ADAMTS17: variants seen among roughly 807,000 people sequenced by gnomAD.
The protein encoded by ADAMTS17 is A disintegrin and metalloproteinase with thrombospondin motifs 17.
ADAMTS17 carries 113 observed loss-of-function variants against 141.5 expected under a neutral mutation model. The ratio of observed to expected loss-of-function variants is 0.80; its 90% confidence interval spans 0.69 to 0.93. ADAMTS17 has a LOEUF of 0.93. Ranked by LOEUF, ADAMTS17 falls within the 40% of genes least tolerant of loss-of-function variation. The pLI is 0.00. For missense variants in ADAMTS17, 1,659 were observed against 1,517.9 expected, an observed-to-expected ratio of 1.09 and a Z score of -1.54; for synonymous variants, 768 against 630.6, an observed-to-expected ratio of 1.22 and a Z score of -3.27.
At chr15:100,257,290 T>C (rs2043359537) in intron 6 of ADAMTS17, among the ~76,000 whole-genome samples, 2 of 152,192 alleles carry the variant, frequency 1.3e-5, no homozygotes, top group African/African-American at 4.8e-5. Context: ...ACCTAGGGAA[T>C]TGCAGCTCTC....
At chr15:100,057,076 C>T (rs746531362) in intron 15 of ADAMTS17, among the ~76,000 whole-genome samples, 61 of 151,950 alleles carry the variant, frequency 4.0e-4, no homozygotes, top group Non-Finnish European at 6.8e-4. Context: ...TGAGGCAGGA[C>T]GGTCATTCCT....
intron 2 of ADAMTS17, among the ~76,000 whole-genome samples, chr15:100,339,533 C>T (rs960703556): frequency 2.0e-5 from 3 of 152,078 alleles, no homozygotes; most frequent in Non-Finnish European, 4.4e-5. Context: ...CTGAGCCTTT[C>T]TCACTCCTAC....
At chr15:100,025,789 G>C (rs1265559087) in intron 18 of ADAMTS17, among the ~76,000 whole-genome samples, 1 of 152,028 alleles carries the variant, frequency 6.6e-6, no homozygotes, top group East Asian at 1.9e-4. Flanking sequence ...CAACTTTGTA[G>C]TAGTATTTAA....
intron 10 of ADAMTS17, among the ~76,000 whole-genome samples, chr15:100,152,097 C>T (rs746630916): frequency 1.3e-5 from 2 of 152,180 alleles, no homozygotes; most frequent in African/African-American, 4.8e-5. Flanking sequence ...AGGCATTGCT[C>T]AACAAGCGGT....
chr15:100,210,908 TGGC>T (rs2041780526), intron 7 of ADAMTS17, among the ~76,000 whole-genome samples: 1 of 152,098 alleles, frequency 6.6e-6, no homozygotes, highest in Non-Finnish European at 1.5e-5. Flanking sequence ...GAGACCATCC[TGGC>T]TAACATGGTG....
chr15:99,975,901 A>G, intron 21 of ADAMTS17, 144 bp downstream of exon 21: 1 of 959,772 alleles, frequency 1.0e-6, no homozygotes, highest in Non-Finnish European at 1.5e-6. Context: ...AACCTCTTCT[A>G]CAGAACTGAC....
At chr15:100,177,976 G>A (rs1030313883) in intron 8 of ADAMTS17, among the ~76,000 whole-genome samples, 5 of 150,894 alleles carry the variant, frequency 3.3e-5, no homozygotes, top group South Asian at 2.1e-4. Context: ...TTAATATAGC[G>A]ATTCCTGTTT....
rs142917495 is a variant in ADAMTS17 at position 100,266,004 on chromosome 15, G to C, written c.790-3569C>G. Reference sequence around the variant, plus strand: ...AGTGCTCTAGCACTATGCTAGTCTTGCTGGTCACCAGAGAGAGGCTTGTCT... The same window carrying C: ...AGTGCTCTAGCACTATGCTAGTCTTCCTGGTCACCAGAGAGAGGCTTGTCT... On this transcript the variant is annotated intron_variant, in intron 4 of 21. Transcript: ENST00000268070. Among the ~76,000 whole-genome samples, 475 of 152,316 alleles carry C rather than the reference G, an allele frequency of 3.1e-3. 2 individuals carry two copies. The highest frequency in any genetic ancestry group is 5.2e-3 in the Non-Finnish European group (351 of 68,022).
intron 4 of ADAMTS17, among the ~76,000 whole-genome samples, chr15:100,278,561 G>A (rs1264674666): frequency 1.3e-5 from 2 of 152,132 alleles, no homozygotes; most frequent in African/African-American, 2.4e-5. Flanking sequence ...CCAGCGGCTC[G>A]ACATGAGGCC....
intron 15 of ADAMTS17, among the ~76,000 whole-genome samples, chr15:100,056,773 C>T (rs1306859618): frequency 3.3e-5 from 5 of 152,108 alleles, no homozygotes; most frequent in Non-Finnish European, 7.4e-5. Flanking sequence ...CAGATGTACC[C>T]TGCCATTCCC....
At chr15:100,286,926 T>C (rs1330442585) in intron 3 of ADAMTS17, among the ~76,000 whole-genome samples, 1 of 152,182 alleles carries the variant, frequency 6.6e-6, no homozygotes, top group Non-Finnish European at 1.5e-5. Flanking sequence ...ACGGCCATTA[T>C]AAGAAAGATC....
chr15:100,279,517 G>A (rs538732161), intron 4 of ADAMTS17, among the ~76,000 whole-genome samples: 2 of 152,320 alleles, frequency 1.3e-5, no homozygotes, highest in Admixed American at 6.5e-5. Flanking sequence ...CACCCATTTC[G>A]TTTAACCTTG....
chr15:100,307,527 C>A (rs1264757890), intron 3 of ADAMTS17, among the ~76,000 whole-genome samples: 3 of 152,250 alleles, frequency 2.0e-5, no homozygotes, highest in Admixed American at 2.0e-4. Flanking sequence ...GGGCTTTTCA[C>A]ACGAGTCAAT....
chr15:100,157,322 T>G (rs941115904), intron 8 of ADAMTS17, among the ~76,000 whole-genome samples: 1 of 152,210 alleles, frequency 6.6e-6, no homozygotes, highest in Non-Finnish European at 1.5e-5. Context: ...GCTTTCCCTC[T>G]CCATTACAAA....
At chr15:100,190,394 A>G (rs575394568) in intron 8 of ADAMTS17, among the ~76,000 whole-genome samples, 20 of 152,302 alleles carry the variant, frequency 1.3e-4, no homozygotes, top group African/African-American at 4.8e-4. Context: ...TGTGACCTCA[A>G]ACAGATGGAG....
chr15:100,284,049 G>T (rs899699332), intron 3 of ADAMTS17, among the ~76,000 whole-genome samples: 1 of 152,170 alleles, frequency 6.6e-6, no homozygotes. Context: ...AGGTTGCAGT[G>T]AGCCAAGATC....
chr15:100,238,168 T>G (rs1437559236), intron 7 of ADAMTS17, among the ~76,000 whole-genome samples: 3 of 152,252 alleles, frequency 2.0e-5, no homozygotes, highest in African/African-American at 7.2e-5. Flanking sequence ...GGCCCTGGCC[T>G]GCAAACGGGT....
chr15:100,327,386 G>C (rs913199808), intron 3 of ADAMTS17, among the ~76,000 whole-genome samples: 3 of 152,136 alleles, frequency 2.0e-5, no homozygotes, highest in Non-Finnish European at 4.4e-5. Context: ...CTATAAAGTA[G>C]ACATCAGTGC....
chr15:99,993,197 A>T lies in ADAMTS17; in HGVS notation c.2800T>A (p.Ser934Thr). 4 of 1,614,150 alleles carry T rather than the reference A, an allele frequency of 2.5e-6. No homozygotes were observed. The highest frequency in any genetic ancestry group is 3.4e-6 in the Non-Finnish European group (4 of 1,180,036). Reference protein sequence around the residue: ...IWEASEWSQCSASCGKGVWKR... With the variant: ...IWEASEWSQCTASCGKGVWKR... ...CACACCCCTTTACCACAGCTGGCAG[A>T]GCACTGCAAGACACCATTCAAATAT... is the stretch of plus-strand genomic sequence containing the variant. Residue 934 changes from serine to threonine, a missense_variant, in exon 20 of 22, where the codon TCT becomes ACT. Coordinates refer to ENST00000268070, the MANE Select transcript of ADAMTS17 (RefSeq NM_139057.4). The surrounding 1 kb of genome is among the most constrained non-coding windows in gnomAD (Gnocchi z 4.3).
Sources: gnomAD v4.1 joint callset for allele counts (sites outside exome capture counted in the v4.1 genomes callset) on GRCh38, gnomAD v4.1.1 for gene constraint, Gnocchi (gnomAD v3.1) non-coding constraint, MANE v1.5 for transcripts, NCBI Gene and HGNC (gene_info 2026-07-23, HGNC 2026-07-21) for gene names.